The following EPHX2 variants were observed in gnomAD, a reference collection of about 807,000 sequenced individuals.
EPHX2 encodes the protein epoxide hydrolase 2.
In EPHX2, 74 loss-of-function variants were observed where a neutral mutation model predicts 78.7. The observed-to-expected ratio is 0.94, with a 90% CI of 0.78 to 1.14. The LOEUF (loss-of-function observed/expected upper bound fraction) is 1.14. EPHX2 is among the 50% of genes most tolerant of loss of function. The pLI, the probability that EPHX2 is intolerant of heterozygous loss-of-function variation, is 0.00. For missense variants in EPHX2, 715 were observed against 702.5 expected (o/e 1.02, Z -0.20); for synonymous variants, 251 against 255.2 (o/e 0.98, Z 0.16).
chr8:27,530,102 T>C (rs1375944059), intron 12 of EPHX2, among the ~76,000 whole-genome samples: 1 of 150,720 alleles, frequency 6.6e-6, no homozygotes, highest in East Asian at 1.9e-4. Flanking sequence ...CCCAGGCTGG[T>C]CTCTAAGTCC....
In EPHX2 at chr8:27,522,403, C is replaced by T. The variant is rs150724918; in HGVS notation, c.973-20C>T. ...CCAGAAGCCTCCCCACATTCGGCTC[C>T]CTTCTTTTTCCTTCTCTAGGGCCTC... On this transcript the variant is annotated intron_variant, in intron 10 of 18. Coordinates refer to ENST00000521400, the MANE Select transcript of EPHX2 (RefSeq NM_001979.6). 6,033 of 1,531,710 alleles carry T rather than the reference C, an allele frequency of 3.9e-3. 60 individuals carry two copies. The highest frequency in any genetic ancestry group is 6.5e-3 in the Admixed American group (388 of 59,824). 94.9% of individuals were successfully genotyped at this position (1,531,710 alleles called of 1,614,324 possible). A position where few individuals can be genotyped will look rare whatever the true frequency, so the allele number is the denominator to read the frequency against.
At chr8:27,520,749 C>T (rs1814616266) in intron 9 of EPHX2, 134 bp from the exon 10 acceptor site, 3 of 1,005,964 alleles carry the variant, frequency 3.0e-6, no homozygotes, top group Admixed American at 1.8e-5. Flanking sequence ...TCTTCAAAAA[C>T]AGTCCCATTC....
chr8:27,498,015 G>A (rs145163043), intron 1 of EPHX2, among the ~76,000 whole-genome samples: 8 of 152,250 alleles, frequency 5.3e-5, no homozygotes, highest in South Asian at 2.1e-4. Context: ...AGCTAAAGCC[G>A]CATTCTTTTC....
intron 1 of EPHX2, among the ~76,000 whole-genome samples, chr8:27,499,850 T>C (rs548388612): frequency 6.6e-6 from 1 of 151,926 alleles, no homozygotes; most frequent in South Asian, 2.1e-4. Context: ...GTTCTCCCTG[T>C]GTCCTCACAT....
intron 16 of EPHX2, among the ~76,000 whole-genome samples, chr8:27,542,548 G>A (rs1815436358): frequency 6.6e-6 from 1 of 152,214 alleles, no homozygotes; most frequent in Non-Finnish European, 1.5e-5. Context: ...CCAAACTGCA[G>A]TTGGACAGAC....
intron 1 of EPHX2, among the ~76,000 whole-genome samples, chr8:27,499,781 A>G (rs1391310605): frequency 3.3e-5 from 5 of 152,198 alleles, no homozygotes; most frequent in Non-Finnish European, 5.9e-5. Flanking sequence ...GAAGTCCAAG[A>G]TCAAGATGTC....
intron 10 of EPHX2, among the ~76,000 whole-genome samples, 180 bp from the exon 11 acceptor site, chr8:27,522,243 T>C (rs926249182): frequency 1.3e-5 from 2 of 152,072 alleles, no homozygotes; most frequent in African/African-American, 4.8e-5. Context: ...AGGCTGGCTA[T>C]TTGTGTTGAG....
intron 13 of EPHX2, among the ~76,000 whole-genome samples, chr8:27,537,663 C>A (rs1420407938): frequency 6.6e-6 from 1 of 152,076 alleles, no homozygotes; most frequent in Non-Finnish European, 1.5e-5. Context: ...TTTTTCAAAT[C>A]ATTCTGATCT....
At chr8:27,514,503 C>G (rs970993299) in intron 6 of EPHX2, among the ~76,000 whole-genome samples, 1 of 152,200 alleles carries the variant, frequency 6.6e-6, no homozygotes, top group African/African-American at 2.4e-5. Flanking sequence ...TGGCTGGACC[C>G]CACCATAACA....
intron 6 of EPHX2, among the ~76,000 whole-genome samples, chr8:27,515,147 A>G (rs371638867): frequency 6.6e-6 from 1 of 152,086 alleles, no homozygotes; most frequent in East Asian, 1.9e-4. Flanking sequence ...CGAGGCGGGA[A>G]GTGCTGTGGC....
chr8:27,544,829 A>C lies in EPHX2; in HGVS notation c.*307A>C. 5.6e-6 allele frequency: 2 copies of C among 354,490 alleles called. No individual in the cohort carries two copies. The highest frequency in any genetic ancestry group is 5.1e-6 in the Non-Finnish European group (1 of 195,348). The allele number at this position is 354,490 out of a possible 1,614,324, so 22.0% of individuals were successfully genotyped here. A position where few individuals can be genotyped will look rare whatever the true frequency, so the allele number is the denominator to read the frequency against. On this transcript the variant is annotated 3_prime_UTR_variant, in exon 19 of 19. Coordinates refer to ENST00000521400, the MANE Select transcript of EPHX2 (RefSeq NM_001979.6). The stretch of plus-strand genomic sequence containing the variant: ...CCAGGTGGTGATTTCTCTTTGACCA[A>C]TGCATAGTTTGGCAGAAAAATCAGC...
chr8:27,520,176 A>AT (rs1563352157), intron 9 of EPHX2, among the ~76,000 whole-genome samples: 1 of 143,346 alleles, frequency 7.0e-6, no homozygotes, highest in Admixed American at 6.9e-5. Context: ...TATTTTTTTT[A>AT]TTTTTTTGAG....
At chr8:27,534,204 C>A (rs187963007) in intron 12 of EPHX2, among the ~76,000 whole-genome samples, 1 of 152,158 alleles carries the variant, frequency 6.6e-6, no homozygotes, top group Admixed American at 6.5e-5. Context: ...TCTTACAAAA[C>A]GGAGGGAACT....
At position 27,516,389 on chromosome 8, in the gene EPHX2, G is replaced by C. The variant is rs753529861; in HGVS notation, c.901G>C (p.Ala301Pro). The C allele has an allele frequency of 6.2e-7, 1 of 1,614,028 alleles. No homozygotes were observed. The change falls in exon 8 of 19, where the codon GCT becomes CCT. Residue 301 changes from alanine to proline, a missense_variant. Physicochemically the swap from Ala to Pro is conservative, Grantham distance 27. Transcript: ENST00000521400. The part of the protein sequence containing the change: ...MDMKGYGESS[A>P]PPEIEEYCME... Reference sequence around the variant, plus strand: ...CATGAAAGGCTATGGAGAGTCATCTGCTCCTCCCGGTGGGTGTGCTGTCTT... The same window carrying C: ...CATGAAAGGCTATGGAGAGTCATCTCCTCCTCCCGGTGGGTGTGCTGTCTT...
chr8:27,544,569 G>A lies in EPHX2; in HGVS notation c.*47G>A. 6.3e-7 allele frequency: 1 copy of A among 1,594,402 alleles called. No homozygotes were observed. Among genetic ancestry groups the A allele is most frequent in the Non-Finnish European group, 8.6e-7 (1 of 1,163,566 alleles). On this transcript the variant is annotated 3_prime_UTR_variant, in exon 19 of 19. Transcript: ENST00000521400. ...CAGCAGGTGTGCCATCCTTCCACCT[G>A]CTGGGGCACCATTCTTAGTATACAG... is the stretch of plus-strand genomic sequence containing the variant.
chr8:27,516,543 G>T, intron 8 of EPHX2, 145 bp downstream of exon 8: 1 of 737,804 alleles, frequency 1.4e-6, no homozygotes, highest in South Asian at 1.8e-5. Context: ...CTCTCCTACG[G>T]TGCCCTGTGT....
intron 5 of EPHX2, among the ~76,000 whole-genome samples, chr8:27,508,946 CTTTTTTT>C (rs34748947): frequency 1.6e-4 from 10 of 64,394 alleles, no homozygotes; most frequent in African/African-American, 7.7e-4. Flanking sequence ...CCCCATCCTG[CTTTTTTT>C]TTTTTTTTTT....
chr8:27,497,223 C>G (rs1478664271), intron 1 of EPHX2, among the ~76,000 whole-genome samples: 4 of 152,234 alleles, frequency 2.6e-5, no homozygotes, highest in Non-Finnish European at 4.4e-5. Context: ...TGGGCACCCT[C>G]AGTCCTGTTG....
intron 5 of EPHX2, among the ~76,000 whole-genome samples, chr8:27,511,296 C>G (rs1215181784): frequency 2.0e-5 from 3 of 152,196 alleles, no homozygotes; most frequent in Non-Finnish European, 4.4e-5. Flanking sequence ...CGCATGGTGT[C>G]CCACATGAGC....
Sources: gnomAD v4.1 joint callset for allele counts (sites outside exome capture counted in the v4.1 genomes callset) on GRCh38, gnomAD v4.1.1 for gene constraint, MANE v1.5 for transcripts, NCBI Gene and HGNC (gene_info 2026-07-23, HGNC 2026-07-21) for gene names.